Variants in SIRPA observed in about 807,000 individuals in gnomAD.
The protein encoded by SIRPA is tyrosine-protein phosphatase non-receptor type substrate 1.
SIRPA carries 9 observed loss-of-function variants against 50.3 expected under a neutral mutation model. That is an observed-to-expected ratio of 0.18 (90% CI 0.11 to 0.31). The LOEUF (loss-of-function observed/expected upper bound fraction) is 0.31. Among genes scored for constraint, SIRPA ranks in the 10% least tolerant of loss-of-function variants. The pLI, the probability that SIRPA is intolerant of heterozygous loss-of-function variation, is 1.00. For synonymous variants in SIRPA, 265 were observed against 284.1 expected (o/e 0.93, Z 0.68); for missense variants, 474 against 661.6 (o/e 0.72, Z 3.11).
In SIRPA at chr20:1,898,800, C is replaced by T. The variant is rs1983983239; in HGVS notation, c.79+3274C>T. Among the ~76,000 whole-genome samples the T allele has an allele frequency of 6.6e-6, 1 of 151,990 alleles. No individual in the cohort carries two copies. The highest frequency in any genetic ancestry group is 2.4e-5 in the African/African-American group (1 of 41,380). ...GAAGTCACAGGCATTTCTCTGAAAG[C>T]CTGCTGAGGGTGGAAATACTGACAG... On this transcript the variant is annotated intron_variant, in intron 1 of 7. Coordinates refer to ENST00000358771, the MANE Select transcript of SIRPA (RefSeq NM_001040023.2). This position sits in a 1 kb window ranked among gnomAD's most constrained non-coding sequence, Gnocchi z 4.3.
intron 1 of SIRPA, among the ~76,000 whole-genome samples, chr20:1,904,137 C>T (rs1424249097): frequency 1.3e-5 from 2 of 152,118 alleles, no homozygotes; most frequent in Non-Finnish European, 2.9e-5. Context: ...CAGCCAGGGC[C>T]GGGATCATAC....
At chr20:1,912,554 CCTA>C (rs1476872208) in intron 1 of SIRPA, among the ~76,000 whole-genome samples, 1 of 152,256 alleles carries the variant, frequency 6.6e-6, no homozygotes, top group Non-Finnish European at 1.5e-5. Context: ...GATCCTACAT[CCTA>C]CTATTGGGAA....
At position 1,937,583 on chromosome 20, in the gene SIRPA, T is replaced by C. The variant is rs572608416; in HGVS notation, c.*15T>C. On this transcript the variant is annotated 3_prime_UTR_variant, in exon 8 of 8. Coordinates refer to ENST00000358771, the MANE Select transcript of SIRPA (RefSeq NM_001040023.2). The surrounding 1 kb of genome is among the most constrained non-coding windows in gnomAD (Gnocchi z 8.3). ...CGAGGAAGTGAATGGGACCGTGGTT[T>C]GCTCTAGCACCCATCTCTACGCGCT... 25 of 1,613,546 alleles carry C rather than the reference T, an allele frequency of 1.5e-5. No individual in the cohort carries two copies. Among genetic ancestry groups the C allele is most frequent in the South Asian group, 7.7e-5 (7 of 91,018 alleles).
chr20:1,903,789 A>G (rs1194592794), intron 1 of SIRPA, among the ~76,000 whole-genome samples: 2 of 152,082 alleles, frequency 1.3e-5, no homozygotes, highest in African/African-American at 4.8e-5. Flanking sequence ...CAACCACCCC[A>G]TTCCAAAAGA....
At chr20:1,935,965 T>C (rs1289486532) in intron 7 of SIRPA, among the ~76,000 whole-genome samples, 1 of 152,128 alleles carries the variant, frequency 6.6e-6, no homozygotes, top group African/African-American at 2.4e-5. Context: ...TTTGGTTCTT[T>C]GCCAGCCGGA....
At chr20:1,912,189 A>G (rs1984929662) in intron 1 of SIRPA, among the ~76,000 whole-genome samples, 1 of 151,906 alleles carries the variant, frequency 6.6e-6, no homozygotes, top group South Asian at 2.1e-4. Flanking sequence ...GGGTGTGATT[A>G]CAGGCCTCCG....
rs1035914702 is a variant in SIRPA at position 1,932,660 on chromosome 20, C to T, written c.1227-2055C>T. ...CATTTCAGATAGGGAGAATGGAGGG[C>T]AGGGAAGCAGGAATAGAGGTGGGGA... is the stretch of plus-strand genomic sequence containing the variant. On this transcript the variant is annotated intron_variant, in intron 6 of 7. Coordinates refer to ENST00000358771, the MANE Select transcript of SIRPA (RefSeq NM_001040023.2). The surrounding 1 kb of genome is among the most constrained non-coding windows in gnomAD (Gnocchi z 6.0). Among the ~76,000 whole-genome samples, 1 of 152,036 alleles carries T rather than the reference C, an allele frequency of 6.6e-6. No individual in the cohort carries two copies. Among genetic ancestry groups the T allele is most frequent in the Non-Finnish European group, 1.5e-5 (1 of 68,010 alleles).
chr20:1,902,586 G>A (rs1984285773), intron 1 of SIRPA, among the ~76,000 whole-genome samples: 1 of 152,144 alleles, frequency 6.6e-6, no homozygotes, highest in Admixed American at 6.5e-5. Context: ...AGACATTCTA[G>A]TGAGGAAGAG....
At chr20:1,909,064 C>T (rs766001706) in intron 1 of SIRPA, among the ~76,000 whole-genome samples, 1 of 152,156 alleles carries the variant, frequency 6.6e-6, no homozygotes, top group Non-Finnish European at 1.5e-5. Flanking sequence ...GGTGGAAAAT[C>T]GCAGCCTTCT....
intron 2 of SIRPA, among the ~76,000 whole-genome samples, chr20:1,920,181 G>A (rs1446707939): frequency 6.6e-6 from 1 of 152,172 alleles, no homozygotes; most frequent in African/African-American, 2.4e-5. Flanking sequence ...CATGGAGGGA[G>A]CAGCCAGTGT....
At chr20:1,930,235 A>G (rs2267912) in intron 6 of SIRPA, among the ~76,000 whole-genome samples, 77,976 of 152,080 alleles carry the variant, frequency 0.51, 20,183 homozygotes, top group Non-Finnish European at 0.54. Context: ...CCAGGGTCGG[A>G]GGGCTTCCTG....
At chr20:1,904,140 G>C (rs1984405655) in intron 1 of SIRPA, among the ~76,000 whole-genome samples, 3 of 152,158 alleles carry the variant, frequency 2.0e-5, no homozygotes, top group Admixed American at 2.0e-4. Flanking sequence ...CCAGGGCCGG[G>C]ATCATACCAC....
intron 1 of SIRPA, among the ~76,000 whole-genome samples, chr20:1,895,825 C>G (rs967717533): frequency 1.3e-5 from 2 of 152,198 alleles, no homozygotes; most frequent in East Asian, 1.9e-4. Context: ...AGCCCCTGCC[C>G]GGTCCAATGG....
At chr20:1,901,157 T>G (rs1984173380) in intron 1 of SIRPA, among the ~76,000 whole-genome samples, 1 of 144,672 alleles carries the variant, frequency 6.9e-6, no homozygotes, top group Non-Finnish European at 1.5e-5. Flanking sequence ...CTTCCTTTCT[T>G]TCTTTCTTTT....
At chr20:1,907,852 G>T (rs1197596904) in intron 1 of SIRPA, among the ~76,000 whole-genome samples, 6 of 152,182 alleles carry the variant, frequency 3.9e-5, no homozygotes, top group Non-Finnish European at 7.4e-5. Flanking sequence ...GGCTGTTGGA[G>T]CCCCAAGCTC....
Position 1,934,114 on chromosome 20 carries a change from TATC to T in SIRPA, c.1227-598_1227-596del, listed in dbSNP as rs1986443539. 6.6e-6 allele frequency among the ~76,000 whole-genome samples: 1 copy of T among 152,152 alleles called. No homozygotes were observed. Among genetic ancestry groups the T allele is most frequent in the South Asian group, 2.1e-4 (1 of 4,832 alleles). On this transcript the variant is annotated intron_variant, in intron 6 of 7. Coordinates refer to ENST00000358771, the MANE Select transcript of SIRPA (RefSeq NM_001040023.2). This position sits in a 1 kb window ranked among gnomAD's most constrained non-coding sequence, Gnocchi z 4.6. Reference sequence around the variant, plus strand: ...CTACAGAGAATTTTCCTTTTTCACTTATCATTTTAATGTAAGCAATTTTAACTT... The same window carrying T: ...CTACAGAGAATTTTCCTTTTTCACTTATTTTAATGTAAGCAATTTTAACTT...
rs1156236080 is a variant in SIRPA at position 1,922,555 on chromosome 20, G to A, written c.997G>A (p.Val333Met). 1.2e-6 allele frequency: 2 copies of A among 1,614,236 alleles called. No individual in the cohort carries two copies. The highest frequency in any genetic ancestry group is 1.3e-5 in the African/African-American group (1 of 75,076). The change falls in exon 4 of 8, where the codon GTG becomes ATG. Residue 333 changes from valine to methionine, a missense_variant. Val to Met is a conservative substitution (Grantham distance 21). This residue lies in a region of SIRPA where 221 missense variants were observed against 359.9 expected (regional missense o/e 0.61). Coordinates refer to ENST00000358771, the MANE Select transcript of SIRPA (RefSeq NM_001040023.2). ...HRDDVKLTCQ[V>M]EHDGQPAVSK... ...GGATGATGTGAAGCTCACCTGCCAGGTGGAGCATGACGGGCAGCCAGCGGT... is the reference window on the plus strand; with the variant it reads ...GGATGATGTGAAGCTCACCTGCCAGATGGAGCATGACGGGCAGCCAGCGGT...
At chr20:1,920,732 A>G (rs1395742650) in intron 2 of SIRPA, among the ~76,000 whole-genome samples, 1 of 152,238 alleles carries the variant, frequency 6.6e-6, no homozygotes, top group Non-Finnish European at 1.5e-5. Flanking sequence ...AAATTCATAA[A>G]TACCTGAAGA....
Position 1,933,706 on chromosome 20 carries a change from C to T in SIRPA, c.1227-1009C>T, listed in dbSNP as rs934804838. On this transcript the variant is annotated intron_variant, in intron 6 of 7. Coordinates refer to ENST00000358771, the MANE Select transcript of SIRPA (RefSeq NM_001040023.2). The surrounding 1 kb of genome is among the most constrained non-coding windows in gnomAD (Gnocchi z 4.4). ...CACTCATGCCAAATCCATTAATAAC[C>T]CTGCTGCCAAGCCCCACTGCTCATT... Among the ~76,000 whole-genome samples the T allele has an allele frequency of 6.6e-6, 1 of 152,168 alleles. No individual in the cohort carries two copies. The highest frequency in any genetic ancestry group is 1.5e-5 in the Non-Finnish European group (1 of 68,038).
Sources: allele counts gnomAD v4.1 joint callset (sites outside exome capture counted in the v4.1 genomes callset), GRCh38; gene constraint gnomAD v4.1.1; regional missense constraint gnomAD v4.1.1; non-coding constraint Gnocchi (gnomAD v3.1); transcripts MANE v1.5; gene names NCBI Gene and HGNC (gene_info 2026-07-23, HGNC 2026-07-21).